TMEM117: variants seen among roughly 807,000 people sequenced by gnomAD.
TMEM117 encodes transmembrane protein 117.
TMEM117 carries 27 observed loss-of-function variants against 52.4 expected under a neutral mutation model. The observed-to-expected ratio is 0.51, with a 90% CI of 0.38 to 0.71. The LOEUF (loss-of-function observed/expected upper bound fraction) is 0.71. Among genes scored for constraint, TMEM117 ranks in the 30% least tolerant of loss-of-function variants. The pLI, the probability that TMEM117 is intolerant of heterozygous loss-of-function variation, is 0.00. For synonymous variants in TMEM117, 215 were observed against 206.3 expected, an observed-to-expected ratio of 1.04 and a Z score of -0.36; for missense variants, 556 against 630.5, an observed-to-expected ratio of 0.88 and a Z score of 1.26.
At chr12:43,959,039 C>A (rs1192483371) in intron 3 of TMEM117, among the ~76,000 whole-genome samples, 2 of 152,070 alleles carry the variant, frequency 1.3e-5, no homozygotes, top group Non-Finnish European at 2.9e-5. Flanking sequence ...GATCTCCTGA[C>A]CTCGTGATCC....
At chr12:44,024,209 C>T (rs970586051) in intron 3 of TMEM117, among the ~76,000 whole-genome samples, 4 of 152,028 alleles carry the variant, frequency 2.6e-5, no homozygotes, top group African/African-American at 7.2e-5. Context: ...TAGGGTGTGA[C>T]GGCAAAGAAA....
At chr12:44,223,682 T>G (rs1023697691) in intron 5 of TMEM117, among the ~76,000 whole-genome samples, 1 of 152,176 alleles carries the variant, frequency 6.6e-6, no homozygotes, top group African/African-American at 2.4e-5. Flanking sequence ...ATATAAACTA[T>G]GAGTTTTTCC....
intron 2 of TMEM117, among the ~76,000 whole-genome samples, chr12:43,880,846 C>A (rs1251489637): frequency 6.6e-6 from 1 of 152,188 alleles, no homozygotes; most frequent in Non-Finnish European, 1.5e-5. Context: ...AAGAAGTCAA[C>A]CCTTTTCATT....
chr12:44,366,263 G>A (rs532965558), intron 6 of TMEM117, among the ~76,000 whole-genome samples: 18 of 152,130 alleles, frequency 1.2e-4, no homozygotes, highest in African/African-American at 3.9e-4. Context: ...TCGGTATAAA[G>A]ATAGGCAACT....
intron 4 of TMEM117, among the ~76,000 whole-genome samples, chr12:44,196,524 C>T (rs1444277441): frequency 6.6e-6 from 1 of 152,032 alleles, no homozygotes; most frequent in African/African-American, 2.4e-5. Context: ...GATATATTAA[C>T]AAAACAACAG....
intron 2 of TMEM117, among the ~76,000 whole-genome samples, chr12:43,892,504 A>G (rs908459106): frequency 2.6e-5 from 4 of 152,218 alleles, no homozygotes; most frequent in African/African-American, 9.6e-5. Context: ...ATGGAATGAT[A>G]GGAACCTTCC....
At chr12:44,308,279 T>C (rs1261057742) in intron 6 of TMEM117, among the ~76,000 whole-genome samples, 1 of 152,232 alleles carries the variant, frequency 6.6e-6, no homozygotes, top group Non-Finnish European at 1.5e-5. Flanking sequence ...CAGCAAGATA[T>C]AACTCATTTG....
upstream of TMEM117, among the ~76,000 whole-genome samples, chr12:43,831,016 G>T (rs138895798): frequency 3.0e-4 from 46 of 152,210 alleles, no homozygotes; most frequent in African/African-American, 1.1e-3. Context: ...CAGGATATGG[G>T]GCTTAAAATA....
At chr12:44,341,404 A>G (rs1247464817) in intron 6 of TMEM117, among the ~76,000 whole-genome samples, 1 of 152,082 alleles carries the variant, frequency 6.6e-6, no homozygotes, top group Non-Finnish European at 1.5e-5. Context: ...ACTTAAGATA[A>G]TGACCTCCAG....
chr12:44,368,362 T>TCTCC (rs894664727), intron 6 of TMEM117, among the ~76,000 whole-genome samples: 4 of 152,152 alleles, frequency 2.6e-5, no homozygotes, highest in African/African-American at 9.7e-5. Flanking sequence ...AAAAAACATA[T>TCTCC]AATCATAGAA....
Position 44,313,453 on chromosome 12 carries a change from ATCTATTATTCTG to A in TMEM117, c.768+13718_768+13729del, listed in dbSNP as rs1450631467. Among the ~76,000 whole-genome samples, 3 of 152,060 alleles carry A rather than the reference ATCTATTATTCTG, an allele frequency of 2.0e-5. No individual in the cohort carries two copies. In the East Asian group the frequency reaches 5.8e-4, roughly 29 times the overall value. ...GCTTGTTTCTGGGTTCACTTTTCAG[ATCTATTATTCTG>A]TCTGTCTGTTTTTGTACCAATATCA... On this transcript the variant is annotated intron_variant, in intron 6 of 7. Transcript: ENST00000266534.
At chr12:44,009,272 C>T in intron 3 of TMEM117, 1 of 275,576 alleles carries the variant, frequency 3.6e-6, no homozygotes, top group Non-Finnish European at 6.9e-6. Flanking sequence ...ATTTCTGATG[C>T]AGAAACCGAT....
At chr12:44,178,459 C>T (rs146609777) in intron 4 of TMEM117, among the ~76,000 whole-genome samples, 1 of 152,212 alleles carries the variant, frequency 6.6e-6, no homozygotes, top group Non-Finnish European at 1.5e-5. Flanking sequence ...TGTCAGCTCC[C>T]TGTCACCTGC....
At chr12:44,332,447 G>A (rs1174824945) in intron 6 of TMEM117, among the ~76,000 whole-genome samples, 1 of 151,974 alleles carries the variant, frequency 6.6e-6, no homozygotes, top group Non-Finnish European at 1.5e-5. Flanking sequence ...GCTTATTTAA[G>A]CCTACCTTTG....
chr12:44,139,209 C>A (rs188655445), intron 3 of TMEM117, among the ~76,000 whole-genome samples: 1 of 152,184 alleles, frequency 6.6e-6, no homozygotes, highest in African/African-American at 2.4e-5. Context: ...GTGTGTACTG[C>A]CTCCTGTTAA....
chr12:44,350,270 A>G (rs933693192), intron 6 of TMEM117, among the ~76,000 whole-genome samples: 3 of 151,910 alleles, frequency 2.0e-5, no homozygotes, highest in Non-Finnish European at 2.9e-5. Flanking sequence ...CCAACTTGCC[A>G]TATGCAAAGT....
intron 2 of TMEM117, among the ~76,000 whole-genome samples, chr12:43,855,355 C>T (rs1204429590): frequency 6.6e-6 from 1 of 151,736 alleles, no homozygotes; most frequent in Admixed American, 6.6e-5. Context: ...CTCCGCCTGC[C>T]GGGTTCAAGG....
chr12:43,893,538 G>A (rs1218494757), intron 2 of TMEM117, among the ~76,000 whole-genome samples: 18 of 151,990 alleles, frequency 1.2e-4, no homozygotes, highest in Admixed American at 1.1e-3. Flanking sequence ...CTAAATCTCT[G>A]TCCATTACTT....
chr12:44,201,962 T>TTATATCATGTGA (rs1291343689), intron 4 of TMEM117, among the ~76,000 whole-genome samples: 1 of 152,086 alleles, frequency 6.6e-6, no homozygotes, highest in African/African-American at 2.4e-5. Context: ...TGTGGTATCT[T>TTATATCATGTGA]TATATCATGT....
Sources: allele counts gnomAD v4.1 joint callset (sites outside exome capture counted in the v4.1 genomes callset), GRCh38; gene constraint gnomAD v4.1.1; transcripts MANE v1.5; gene names NCBI Gene and HGNC (gene_info 2026-07-23, HGNC 2026-07-21).